The following NOTCH3 variants were observed in gnomAD, a reference collection of about 807,000 sequenced individuals.
NOTCH3 encodes neurogenic locus notch homolog protein 3.
Under a neutral mutation model 213.3 loss-of-function variants are expected in NOTCH3, and 86 were observed. That is an observed-to-expected ratio of 0.40 (90% CI 0.34 to 0.48). The LOEUF (loss-of-function observed/expected upper bound fraction) is 0.48. NOTCH3 is among the 20% of genes least tolerant of loss of function. The probability of loss-of-function intolerance (pLI) is 0.57; values close to 1 mark genes in which losing one functional copy is unlikely to be tolerated. For synonymous variants in NOTCH3, 1,354 were observed against 1,355.9 expected (o/e 1.00, Z 0.03); for missense variants, 2,783 against 3,272.6 (o/e 0.85, Z 3.65).
At chr19:15,188,943 C>T (rs780212401) in intron 8 of NOTCH3, 46 bp downstream of exon 8, 3 of 1,573,002 alleles carry the variant, frequency 1.9e-6, no homozygotes, top group African/African-American at 2.7e-5. Flanking sequence ...CTTCTCTGTC[C>T]CCGCCCCCTG....
intron 12 of NOTCH3, among the ~76,000 whole-genome samples, chr19:15,186,195 C>G (rs999587988): frequency 8.5e-5 from 13 of 152,130 alleles, no homozygotes; most frequent in African/African-American, 3.1e-4. Context: ...AACTCCTGGG[C>G]TCAAGTGATC....
Position 15,170,771 on chromosome 19 carries a change from A to T in NOTCH3, c.4791T>A (p.Asn1597Lys), listed in dbSNP as rs545519407. Residue 1597 changes from asparagine to lysine, a missense_variant, in exon 26 of 33, where the codon AAT (asparagine) becomes AAA (lysine). Asn to Lys is a moderately conservative substitution (Grantham distance 94). This residue lies in a region of NOTCH3 where 636 missense variants were observed against 801.8 expected (regional missense o/e 0.79). Coordinates refer to ENST00000263388, the MANE Select transcript of NOTCH3 (RefSeq NM_000435.3). ...DNRLCLQSPE[N>K]DHCFPDAQSA... ...TCTGGGCATCGGGGAAGCAGTGATC[A>T]TTCTCAGGCGACTGCAGGCAGAGCC... 2.8e-5 allele frequency: 45 copies of T among 1,613,032 alleles called. No homozygotes were observed. The East Asian group carries it at 8.7e-4, about 31-fold the overall frequency.
intron 23 of NOTCH3, 183 bp downstream of exon 23, chr19:15,178,640 C>T: frequency 7.8e-6 from 5 of 643,696 alleles, no homozygotes; most frequent in Non-Finnish European, 8.5e-6. Context: ...CCGCCTCGGC[C>T]TCCCAATGTG....
intron 10 of NOTCH3, among the ~76,000 whole-genome samples, 180 bp downstream of exon 10, chr19:15,187,701 T>C (rs1373017985): frequency 6.6e-6 from 1 of 152,008 alleles, no homozygotes; most frequent in Non-Finnish European, 1.5e-5. Context: ...CCCAACACTT[T>C]GGCTCCACAC....
rs1454191058 is a variant in NOTCH3 at position 15,176,916 on chromosome 19, C to CA, written c.4403+608dup. ...TGAAACCCTGTCTCTACTAAAAATA[C>CA]AAAAAAAAAGCCAGGCGTGGTGGCA... On this transcript the variant is annotated intron_variant, in intron 24 of 32. Coordinates refer to ENST00000263388, the MANE Select transcript of NOTCH3 (RefSeq NM_000435.3). Among the ~76,000 whole-genome samples the CA allele has an allele frequency of 4.4e-4, 65 of 148,480 alleles. No homozygotes were observed. In the East Asian group the frequency reaches 6.4e-3, roughly 15 times the overall value.
intron 28 of NOTCH3, 111 bp from the exon 29 acceptor site, chr19:15,167,522 C>T (rs2046696073): frequency 1.1e-6 from 1 of 928,710 alleles, no homozygotes; most frequent in African/African-American, 1.6e-5. Flanking sequence ...GAGATACACA[C>T]AGAGCCCTGG....
intron 18 of NOTCH3, 37 bp from the exon 19 acceptor site, chr19:15,180,865 G>T (rs1390953226): frequency 6.2e-7 from 1 of 1,608,952 alleles, no homozygotes. Flanking sequence ...ACTGTGGGGT[G>T]GGGGGTAGTC....
At position 15,185,097 on chromosome 19, in the gene NOTCH3, C is replaced by T; in HGVS notation, c.2297-78G>A. 8.6e-7 allele frequency: 1 copy of T among 1,159,888 alleles called. No individual in the cohort carries two copies. The highest frequency in any genetic ancestry group is 1.2e-6 in the Non-Finnish European group (1 of 814,380). 71.8% of individuals were successfully genotyped at this position (1,159,888 alleles called of 1,614,324 possible). A position where few individuals can be genotyped will look rare whatever the true frequency, so the allele number is the denominator to read the frequency against. On this transcript the variant is annotated intron_variant, in intron 14 of 32. Coordinates refer to ENST00000263388, the MANE Select transcript of NOTCH3 (RefSeq NM_000435.3). The surrounding 1 kb of genome is among the most constrained non-coding windows in gnomAD (Gnocchi z 4.2). ...TCCCATCTCCCCCCACCTCCCCCAA[C>T]CCCAGGGTCCCCACCTTGATACCCA...
intron 29 of NOTCH3, 44 bp from the exon 30 acceptor site, chr19:15,166,135 C>T (rs1021359293): frequency 6.4e-7 from 1 of 1,557,756 alleles, no homozygotes; most frequent in Non-Finnish European, 8.9e-7. Flanking sequence ...AACACAGGGC[C>T]TTTTCCAGGA....
chr19:15,179,772 T>A (rs899665108), intron 20 of NOTCH3: 6 of 586,314 alleles, frequency 1.0e-5, no homozygotes, highest in African/African-American at 1.9e-5. Flanking sequence ...CTCCCAGCTA[T>A]AATGAGAGGC....
chr19:15,196,998 G>A (rs1247001927), intron 2 of NOTCH3, among the ~76,000 whole-genome samples: 3 of 152,170 alleles, frequency 2.0e-5, no homozygotes, highest in South Asian at 2.1e-4. Context: ...ATGATGATCA[G>A]AGAGGGAAAG....
chr19:15,176,692 G>C (rs1194517482), intron 24 of NOTCH3, among the ~76,000 whole-genome samples: 1 of 148,346 alleles, frequency 6.7e-6, no homozygotes, highest in Non-Finnish European at 1.5e-5. Context: ...GAGCCCAGGA[G>C]GTAGAGATTG....
chr19:15,165,871 A>G lies in NOTCH3; in HGVS notation c.5583T>C (p.Ala1861=), dbSNP rs773515176. 6.2e-7 allele frequency: 1 copy of G among 1,614,088 alleles called. No individual in the cohort carries two copies. The highest frequency in any genetic ancestry group is 8.5e-7 in the Non-Finnish European group (1 of 1,180,016). ...RADAAKRLLD[A]GADTNAQDHS... ...GGTCCTGGGCATTGGTGTCTGCCCCAGCATCCAGCAGCCGCTTGGCTGCAT... is the reference window on the plus strand; with the variant it reads ...GGTCCTGGGCATTGGTGTCTGCCCCGGCATCCAGCAGCCGCTTGGCTGCAT... Residue 1861 remains alanine (A), a synonymous_variant, in exon 30 of 33, where the codon GCT becomes GCC. Coordinates refer to ENST00000263388, the MANE Select transcript of NOTCH3 (RefSeq NM_000435.3). This position sits in a 1 kb window ranked among gnomAD's most constrained non-coding sequence, Gnocchi z 4.7.
rs746497955 is a variant in NOTCH3 at position 15,200,807 on chromosome 19, T to TAGC, written c.96_98dup (p.Leu33dup). 8.7e-6 allele frequency: 11 copies of TAGC among 1,262,714 alleles called. No individual in the cohort carries two copies. In the East Asian group the frequency reaches 9.4e-5, roughly 11 times the overall value. The allele number at this position is 1,262,714 out of a possible 1,614,324, so 78.2% of individuals were successfully genotyped here. On this transcript the variant is annotated inframe_insertion, in exon 1 of 33. Transcript: ENST00000263388. ...CCTCACCTGCAGCCCCCGGCCCCGC[T>TAGC]AGCAGCAGCAGCAGGGGCAGCGCCC...
In NOTCH3 at chr19:15,179,089, G is replaced by A. The variant is rs2145417520; in HGVS notation, c.3654C>T (p.His1218=). The A allele has an allele frequency of 2.5e-6, 4 of 1,614,236 alleles. No homozygotes were observed. The South Asian group carries it at 3.3e-5, about 13-fold the overall frequency. The change falls in exon 22 of 33, where the codon CAC becomes CAT. Residue 1218 remains histidine (H), a synonymous_variant. Coordinates refer to ENST00000263388, the MANE Select transcript of NOTCH3 (RefSeq NM_000435.3). The stretch of plus-strand genomic sequence containing the variant: ...CTGGGTCCTGCAGGCAGTCCCGGGT[G>A]TGTGCCGCGTGGCAGGCACCTGAGC... ...ECRSGACHAA[H]TRDCLQDPGG...
chr19:15,191,593 A>G lies in NOTCH3; in HGVS notation c.867T>C (p.Gly289=), dbSNP rs1203957701. The part of the protein sequence containing the change: ...QLQPNACHNG[G]TCFNTLGGHS... ...GGCCACCCAGCGTGTTGAAGCAGGT[A>G]CCCCCATTGTGGCAGGCGTTGGGCT... The change falls in exon 6 of 33, where the codon GGT becomes GGC. Residue 289 remains glycine (G), a synonymous_variant. Transcript: ENST00000263388. 3.1e-6 allele frequency: 5 copies of G among 1,613,600 alleles called. No homozygotes were observed. The highest frequency in any genetic ancestry group is 3.4e-6 in the Non-Finnish European group (4 of 1,180,008).
chr19:15,185,312 C>T lies in NOTCH3; in HGVS notation c.2241G>A (p.Gly747=), dbSNP rs2046872086. The part of the protein sequence containing the change: ...ACESQPCRAG[G]TCSSDGMGFH... Reference sequence around the variant, plus strand: ...AACCCATTCCATCGCTGCTGCATGTCCCACCGGCCCTGCACGGCTGGGACT... The same window carrying T: ...AACCCATTCCATCGCTGCTGCATGTTCCACCGGCCCTGCACGGCTGGGACT... The change falls in exon 14 of 33, where the codon GGG becomes GGA. Residue 747 remains glycine, a synonymous_variant. Transcript: ENST00000263388. This position sits in a 1 kb window ranked among gnomAD's most constrained non-coding sequence, Gnocchi z 4.2. 5 of 1,612,446 alleles carry T rather than the reference C, an allele frequency of 3.1e-6. No individual in the cohort carries two copies. The highest frequency in any genetic ancestry group is 4.2e-6 in the Non-Finnish European group (5 of 1,179,798).
At position 15,181,137 on chromosome 19, in the gene NOTCH3, C is replaced by T. The variant is rs1426967314; in HGVS notation, c.2818G>A (p.Val940Met). ...PSSCFNGGTC[V>M]DGVNSFSCLC... ...CAGCTGAACGAGTTCACGCCGTCCACACAGGTCCCGCCATTGAAGCAGGAG... is the reference window on the plus strand; with the variant it reads ...CAGCTGAACGAGTTCACGCCGTCCATACAGGTCCCGCCATTGAAGCAGGAG... The change falls in exon 18 of 33, where the codon GTG becomes ATG. Residue 940 changes from valine (V) to methionine (M), a missense_variant. By Grantham distance (21) the Val-to-Met change is conservative (BLOSUM62 1). Transcript: ENST00000263388. The T allele has an allele frequency of 1.2e-6, 2 of 1,607,272 alleles. No homozygotes were observed. Among genetic ancestry groups the T allele is most frequent in the South Asian group, 1.1e-5 (1 of 90,248 alleles).
At chr19:15,175,646 A>G (rs1599376518) in intron 24 of NOTCH3, among the ~76,000 whole-genome samples, 1 of 149,520 alleles carries the variant, frequency 6.7e-6, no homozygotes, top group Non-Finnish European at 1.5e-5. Context: ...GATGGAATTA[A>G]ATGCTAAGCA....
Sources: gnomAD v4.1 joint callset for allele counts (sites outside exome capture counted in the v4.1 genomes callset) on GRCh38, gnomAD v4.1.1 for gene constraint, gnomAD v4.1.1 regional missense constraint, Gnocchi (gnomAD v3.1) non-coding constraint, MANE v1.5 for transcripts, NCBI Gene and HGNC (gene_info 2026-07-23, HGNC 2026-07-21) for gene names.